Variants in ALK observed in about 807,000 individuals in gnomAD.
ALK encodes the protein ALK tyrosine kinase receptor.
In ALK, 74 loss-of-function variants were observed where a neutral mutation model predicts 163.1. The ratio of observed to expected loss-of-function variants is 0.45; its 90% CI spans 0.38 to 0.55. The LOEUF (loss-of-function observed/expected upper bound fraction) is 0.55. Among genes scored for constraint, ALK ranks in the 20% least tolerant of loss-of-function variants. The pLI, the probability that ALK is intolerant of heterozygous loss-of-function variation, is 0.00. For synonymous variants in ALK, 960 were observed against 843.2 expected, an observed-to-expected ratio of 1.14 and a Z score of -2.40; for missense variants, 2,063 against 2,105.3, an observed-to-expected ratio of 0.98 and a Z score of 0.39.
intron 1 of ALK, among the ~76,000 whole-genome samples, chr2:29,730,482 G>A (rs185876862): frequency 1.3e-5 from 2 of 152,216 alleles, no homozygotes; most frequent in East Asian, 3.9e-4. Context: ...TAGAGATAGA[G>A]GGATAGAGTT....
At chr2:29,562,620 A>G (rs1000801352) in intron 3 of ALK, among the ~76,000 whole-genome samples, 6 of 152,340 alleles carry the variant, frequency 3.9e-5, no homozygotes, top group African/African-American at 9.6e-5. Flanking sequence ...TGGAAAGAAG[A>G]GAGTGAAGAA....
intron 3 of ALK, among the ~76,000 whole-genome samples, chr2:29,535,277 A>C (rs911336289): frequency 6.6e-6 from 1 of 152,126 alleles, no homozygotes; most frequent in Non-Finnish European, 1.5e-5. Context: ...TGTTTCTTTT[A>C]TTATGCATCT....
At chr2:29,662,596 T>C (rs969233644) in intron 3 of ALK, among the ~76,000 whole-genome samples, 1 of 152,176 alleles carries the variant, frequency 6.6e-6, no homozygotes, top group Non-Finnish European at 1.5e-5. Context: ...AAGGTGATCA[T>C]TAGGGGTGCT....
intron 1 of ALK, among the ~76,000 whole-genome samples, chr2:29,894,229 G>T (rs1217256853): frequency 6.6e-6 from 1 of 152,132 alleles, no homozygotes; most frequent in Non-Finnish European, 1.5e-5. Flanking sequence ...GCTCATGGTA[G>T]CCCCCAGTGA....
intron 1 of ALK, among the ~76,000 whole-genome samples, chr2:29,759,049 A>G (rs1207335504): frequency 2.0e-5 from 3 of 152,180 alleles, no homozygotes; most frequent in African/African-American, 7.2e-5. Context: ...ATATTTATTA[A>G]ACGCAGTTCT....
intron 4 of ALK, among the ~76,000 whole-genome samples, chr2:29,492,948 C>G (rs753683627): frequency 6.6e-6 from 1 of 152,142 alleles, no homozygotes; most frequent in Non-Finnish European, 1.5e-5. Context: ...TGGGTAAACT[C>G]AGAATCAAGC....
chr2:29,777,376 A>C (rs1223441473), intron 1 of ALK, among the ~76,000 whole-genome samples: 1 of 152,152 alleles, frequency 6.6e-6, no homozygotes, highest in African/African-American at 2.4e-5. Flanking sequence ...ACAGTGAGTC[A>C]CTGGCAGCTA....
In ALK at chr2:29,344,637, T is replaced by A. The variant is rs1344295138; in HGVS notation, c.1283-16156A>T. Among the ~76,000 whole-genome samples, 3 of 152,276 alleles carry A rather than the reference T, an allele frequency of 2.0e-5. No individual in the cohort carries two copies. In the East Asian group the frequency reaches 5.8e-4, roughly 29 times the overall value. On this transcript the variant is annotated intron_variant, in intron 5 of 28. Transcript: ENST00000389048. Reference sequence around the variant, plus strand: ...TCCAATGCATGACCTGTCAATGCCATGTGGCATGAAAAAGTTACCTGCCCA... The same window carrying A: ...TCCAATGCATGACCTGTCAATGCCAAGTGGCATGAAAAAGTTACCTGCCCA...
At chr2:29,506,554 G>A (rs1459477189) in intron 4 of ALK, among the ~76,000 whole-genome samples, 2 of 152,114 alleles carry the variant, frequency 1.3e-5, no homozygotes, top group African/African-American at 4.8e-5. Flanking sequence ...AGACCATCCT[G>A]GCCAACACGG....
intron 3 of ALK, among the ~76,000 whole-genome samples, chr2:29,671,156 T>C (rs983905330): frequency 6.6e-6 from 1 of 152,104 alleles, no homozygotes; most frequent in Non-Finnish European, 1.5e-5. Flanking sequence ...TATATTTGCT[T>C]AGCAAATTTT....
intron 8 of ALK, among the ~76,000 whole-genome samples, chr2:29,314,051 C>T (rs1259453183): frequency 1.3e-5 from 2 of 152,190 alleles, no homozygotes; most frequent in African/African-American, 4.8e-5. Flanking sequence ...GCCTGCCTCT[C>T]GGCTTCCCTG....
intron 1 of ALK, among the ~76,000 whole-genome samples, chr2:29,886,144 A>C (rs1666979442): frequency 6.6e-6 from 1 of 152,226 alleles, no homozygotes; most frequent in Non-Finnish European, 1.5e-5. Context: ...TAGTTGTGTT[A>C]ATAACATTTC....
At chr2:29,438,720 G>A (rs531602543) in intron 4 of ALK, among the ~76,000 whole-genome samples, 1 of 152,282 alleles carries the variant, frequency 6.6e-6, no homozygotes, top group Non-Finnish European at 1.5e-5. Context: ...ACTAGTGTCT[G>A]CCATCCATTT....
intron 3 of ALK, among the ~76,000 whole-genome samples, chr2:29,565,137 G>A (rs1157458733): frequency 6.6e-6 from 1 of 152,298 alleles, no homozygotes; most frequent in East Asian, 1.9e-4. Context: ...TGCCCTTTGG[G>A]GTCATGAAGT....
chr2:29,611,459 G>C (rs560835286), intron 3 of ALK, among the ~76,000 whole-genome samples: 16 of 152,302 alleles, frequency 1.1e-4, no homozygotes, highest in Non-Finnish European at 1.6e-4. Context: ...GATAGGTAGA[G>C]TTTTAAATCC....
At chr2:29,605,378 G>A (rs1026777883) in intron 3 of ALK, among the ~76,000 whole-genome samples, 2 of 152,212 alleles carry the variant, frequency 1.3e-5, no homozygotes, top group African/African-American at 2.4e-5. Flanking sequence ...GGTTGTGGAG[G>A]CCTGTCATAA....
At chr2:29,702,713 C>T (rs1423054397) in intron 2 of ALK, among the ~76,000 whole-genome samples, 12 of 152,110 alleles carry the variant, frequency 7.9e-5, no homozygotes, top group Admixed American at 6.5e-4. Flanking sequence ...TGGCAGAAAG[C>T]GAAAGAGGAG....
intron 4 of ALK, among the ~76,000 whole-genome samples, chr2:29,411,229 G>T (rs1573330155): frequency 6.6e-6 from 1 of 152,106 alleles, no homozygotes; most frequent in African/African-American, 2.4e-5. Flanking sequence ...GTCTTCAGGG[G>T]CAATAACATG....
intron 3 of ALK, among the ~76,000 whole-genome samples, chr2:29,652,621 C>A (rs911125858): frequency 6.6e-6 from 1 of 152,182 alleles, no homozygotes; most frequent in Admixed American, 6.6e-5. Flanking sequence ...AAGATAGGGA[C>A]TTTCAGTCCC....
Sources: allele counts gnomAD v4.1 joint callset (sites outside exome capture counted in the v4.1 genomes callset), GRCh38; gene constraint gnomAD v4.1.1; transcripts MANE v1.5; gene names NCBI Gene and HGNC (gene_info 2026-07-23, HGNC 2026-07-21).